MAGI2: variants seen among roughly 807,000 people sequenced by gnomAD.
The protein encoded by MAGI2 is membrane-associated guanylate kinase, WW and PDZ domain-containing protein 2.
A neutral mutation model predicts 133.3 loss-of-function variants in MAGI2; 35 were observed. That is an observed-to-expected ratio of 0.26 (90% confidence interval 0.20 to 0.35). The LOEUF is 0.35. MAGI2 is among the 10% of genes least tolerant of loss of function. The pLI, the probability that MAGI2 is intolerant of heterozygous loss-of-function variation, is 1.00. For synonymous variants in MAGI2, 729 were observed against 710.6 expected (o/e 1.03, Z -0.41); for missense variants, 1,636 against 1,863.4 (o/e 0.88, Z 2.25).
chr7:78,693,889 T>G (rs186951489), intron 2 of MAGI2, among the ~76,000 whole-genome samples: 1 of 152,212 alleles, frequency 6.6e-6, no homozygotes, highest in Non-Finnish European at 1.5e-5. Flanking sequence ...TGTATTTCTT[T>G]CACTTTGGAT....
At chr7:78,615,560 A>G (rs2150923805) in intron 3 of MAGI2, 1 of 152,356 alleles carries the variant, frequency 6.6e-6, no homozygotes, top group South Asian at 2.1e-4. Flanking sequence ...CCAAAAGGGA[A>G]CAGATCCCTT....
At chr7:78,710,228 A>G (rs1819045769) in intron 2 of MAGI2, among the ~76,000 whole-genome samples, 1 of 133,718 alleles carries the variant, frequency 7.5e-6, no homozygotes. Context: ...AATTCAGATA[A>G]GTTAGTACCT....
chr7:78,819,059 T>C (rs1465043940), intron 2 of MAGI2, among the ~76,000 whole-genome samples: 1 of 152,136 alleles, frequency 6.6e-6, no homozygotes, highest in Non-Finnish European at 1.5e-5. Context: ...ATATTCATAA[T>C]AAAAGTGTGG....
At chr7:78,739,072 G>C (rs529686974) in intron 2 of MAGI2, among the ~76,000 whole-genome samples, 1 of 152,234 alleles carries the variant, frequency 6.6e-6, no homozygotes, top group East Asian at 1.9e-4. Flanking sequence ...CACCTCAAAG[G>C]GACTTCAGAG....
intron 6 of MAGI2, among the ~76,000 whole-genome samples, chr7:78,474,311 AG>A (rs1385588660): frequency 1.3e-5 from 2 of 152,028 alleles, no homozygotes; most frequent in African/African-American, 4.8e-5. Context: ...ACAGTGAAAA[AG>A]GAATCTATGT....
At position 78,354,823 on chromosome 7, in the gene MAGI2, T is replaced by C. The variant is rs1791898372; in HGVS notation, c.1104-8780A>G. 2.0e-5 allele frequency among the ~76,000 whole-genome samples: 3 copies of C among 152,282 alleles called. No individual in the cohort carries two copies. The South Asian group carries it at 6.2e-4, about 32-fold the overall frequency. On this transcript the variant is annotated intron_variant, in intron 7 of 21. Transcript: ENST00000354212. ...AGGGAGAAAAGGATATATTGCTGGA[T>C]ACCTAGAATCTGCACAGAATCTTTA...
chr7:79,142,930 T>G (rs1822274209), intron 1 of MAGI2, among the ~76,000 whole-genome samples: 1 of 152,218 alleles, frequency 6.6e-6, no homozygotes, highest in African/African-American at 2.4e-5. Context: ...AAGTGACACA[T>G]GTCATCTTTC....
intron 1 of MAGI2, among the ~76,000 whole-genome samples, chr7:79,187,953 A>G (rs1397699401): frequency 6.6e-6 from 1 of 151,878 alleles, no homozygotes; most frequent in Non-Finnish European, 1.5e-5. Context: ...GCAGAAATAC[A>G]ATAATATTTT....
chr7:78,665,569 G>T (rs1813466920), intron 2 of MAGI2, among the ~76,000 whole-genome samples: 1 of 152,134 alleles, frequency 6.6e-6, no homozygotes, highest in Non-Finnish European at 1.5e-5. Context: ...ATATTAGAAG[G>T]TTGATTTGGA....
intron 1 of MAGI2, among the ~76,000 whole-genome samples, chr7:79,181,537 T>G (rs1826623333): frequency 6.6e-6 from 1 of 151,794 alleles, no homozygotes; most frequent in Non-Finnish European, 1.5e-5. Flanking sequence ...ACAAAACTAT[T>G]TTTTCCCCCT....
intron 1 of MAGI2, among the ~76,000 whole-genome samples, chr7:79,342,080 C>G (rs1468156761): frequency 6.6e-6 from 1 of 152,144 alleles, no homozygotes; most frequent in Non-Finnish European, 1.5e-5. Context: ...AATGAGAACT[C>G]CACAAGAGGG....
At chr7:78,567,736 A>G (rs185055599) in intron 3 of MAGI2, among the ~76,000 whole-genome samples, 43 of 152,268 alleles carry the variant, frequency 2.8e-4, no homozygotes, top group Middle Eastern at 3.4e-3. Context: ...TACATACGCT[A>G]GAATATCTCC....
At chr7:78,180,751 A>G (rs112441774) in intron 13 of MAGI2, among the ~76,000 whole-genome samples, 1 of 80,178 alleles carries the variant, frequency 1.2e-5, no homozygotes, top group Admixed American at 1.2e-4. Flanking sequence ...CATGAGCAGG[A>G]AACAGAGGCA....
At chr7:78,360,260 T>C (rs993968517) in intron 7 of MAGI2, among the ~76,000 whole-genome samples, 1 of 152,142 alleles carries the variant, frequency 6.6e-6, no homozygotes, top group Non-Finnish European at 1.5e-5. Flanking sequence ...ATCTAGAAGA[T>C]GCAAATGCCA....
intron 7 of MAGI2, among the ~76,000 whole-genome samples, chr7:78,365,029 G>C (rs1267476081): frequency 6.6e-6 from 1 of 152,172 alleles, no homozygotes; most frequent in Admixed American, 6.5e-5. Context: ...AAGATGTTGA[G>C]TAGGGCCCAT....
At chr7:79,120,320 T>G (rs1819777429) in intron 1 of MAGI2, among the ~76,000 whole-genome samples, 1 of 152,064 alleles carries the variant, frequency 6.6e-6, no homozygotes, top group Non-Finnish European at 1.5e-5. Flanking sequence ...ATTACACATA[T>G]TGAAGAGGGT....
At chr7:78,804,849 C>T (rs1410818224) in intron 2 of MAGI2, among the ~76,000 whole-genome samples, 1 of 151,214 alleles carries the variant, frequency 6.6e-6, no homozygotes, top group African/African-American at 2.4e-5. Context: ...GGGTGGATCA[C>T]CTAAGACCAG....
intron 10 of MAGI2, among the ~76,000 whole-genome samples, chr7:78,214,209 G>C (rs1033631149): frequency 1.3e-5 from 2 of 152,152 alleles, no homozygotes; most frequent in Non-Finnish European, 2.9e-5. Flanking sequence ...TTTGCATTTT[G>C]AGCGGCCGTG....
chr7:79,187,086 G>A (rs1473850957), intron 1 of MAGI2, among the ~76,000 whole-genome samples: 1 of 151,426 alleles, frequency 6.6e-6, no homozygotes, highest in East Asian at 1.9e-4. Flanking sequence ...GTGACTACTT[G>A]TGGGAAATTA....
Sources: gnomAD v4.1 joint callset for allele counts (sites outside exome capture counted in the v4.1 genomes callset) on GRCh38, gnomAD v4.1.1 for gene constraint, MANE v1.5 for transcripts, NCBI Gene and HGNC (gene_info 2026-07-23, HGNC 2026-07-21) for gene names.